WWOX: variants seen among roughly 807,000 people sequenced by gnomAD.
WWOX encodes WW domain-containing oxidoreductase.
In WWOX, 69 loss-of-function variants were observed where a neutral mutation model predicts 46.2. The observed-to-expected ratio is 1.49, with a 90% CI of 1.23 to 1.82. The LOEUF is 1.82. Ranked by LOEUF, WWOX falls within the 40% of genes most tolerant of loss-of-function variation. The pLI, the probability that WWOX is intolerant of heterozygous loss-of-function variation, is 0.00. For missense variants in WWOX, 919 were observed against 542.6 expected, an observed-to-expected ratio of 1.69 and a Z score of -6.89; for synonymous variants, 359 against 202.6, an observed-to-expected ratio of 1.77 and a Z score of -6.56.
At chr16:78,706,995 C>T (rs1485333021) in intron 8 of WWOX, among the ~76,000 whole-genome samples, 2 of 152,074 alleles carry the variant, frequency 1.3e-5, no homozygotes, top group Non-Finnish European at 2.9e-5. Flanking sequence ...CAGTCAGTTG[C>T]CTAGTAGGCC....
At chr16:79,020,895 T>G (rs759957392) in intron 8 of WWOX, among the ~76,000 whole-genome samples, 2 of 152,192 alleles carry the variant, frequency 1.3e-5, no homozygotes, top group African/African-American at 4.8e-5. Flanking sequence ...TTTATAGATT[T>G]TTTTTTAAGT....
intron 8 of WWOX, among the ~76,000 whole-genome samples, chr16:78,736,497 C>T (rs763972565): frequency 1.3e-5 from 2 of 152,334 alleles, no homozygotes; most frequent in South Asian, 2.1e-4. Context: ...CAAAGTCTCA[C>T]ATGTGACAAC....
At chr16:78,952,783 A>C (rs909101399) in intron 8 of WWOX, among the ~76,000 whole-genome samples, 1 of 152,142 alleles carries the variant, frequency 6.6e-6, no homozygotes, top group Non-Finnish European at 1.5e-5. Context: ...CCTACTGCCC[A>C]GCAGAAGGCT....
chr16:78,358,912 A>G lies in WWOX; in HGVS notation c.517-27948A>G, dbSNP rs531991511. 5.9e-4 allele frequency among the ~76,000 whole-genome samples: 65 copies of G among 109,370 alleles called. No homozygotes were observed. The South Asian group carries it at 0.018, about 30-fold the overall frequency. 71.8% of individuals were successfully genotyped at this position (109,370 alleles called of 152,430 possible). On this transcript the variant is annotated intron_variant, in intron 5 of 8. Transcript: ENST00000566780. ...CCAGACATATAGTGGCCATGTTTCT[A>G]TGTCAATACATACTGTTTGGCAGTA...
At chr16:78,834,247 A>C (rs1389959318) in intron 8 of WWOX, among the ~76,000 whole-genome samples, 1 of 152,200 alleles carries the variant, frequency 6.6e-6, no homozygotes, top group Non-Finnish European at 1.5e-5. Context: ...GCAAACATGG[A>C]GAGGCCCAAA....
intron 8 of WWOX, among the ~76,000 whole-genome samples, chr16:79,116,169 G>C (rs1324010827): frequency 1.3e-5 from 2 of 152,210 alleles, no homozygotes; most frequent in African/African-American, 4.8e-5. Flanking sequence ...GGAGGGTCTT[G>C]CCTTGATGTT....
chr16:78,528,398 C>T (rs2043534940), intron 8 of WWOX, among the ~76,000 whole-genome samples: 1 of 151,826 alleles, frequency 6.6e-6, no homozygotes, highest in South Asian at 2.1e-4. Flanking sequence ...CAGAAGATCG[C>T]TCTCACCAAA....
chr16:78,903,201 C>G (rs949117523), intron 8 of WWOX, among the ~76,000 whole-genome samples: 2 of 152,252 alleles, frequency 1.3e-5, no homozygotes, highest in East Asian at 3.9e-4. Context: ...ACTTGGGGTA[C>G]ACCCCTTATA....
At chr16:79,047,672 ATTTTTT>A (rs71140858) in intron 8 of WWOX, among the ~76,000 whole-genome samples, 7 of 53,542 alleles carry the variant, frequency 1.3e-4, no homozygotes, top group South Asian at 1.0e-3. Context: ...GACTGTCCTG[ATTTTTT>A]TTTTTTTTTT....
At chr16:78,880,992 C>CTTTTT (rs71140838) in intron 8 of WWOX, among the ~76,000 whole-genome samples, 1 of 113,530 alleles carries the variant, frequency 8.8e-6, no homozygotes, top group Non-Finnish European at 1.7e-5. Flanking sequence ...AATTTTTTTT[C>CTTTTT]TTTTTTTTTT....
chr16:78,800,202 G>A (rs2050850458), intron 8 of WWOX, among the ~76,000 whole-genome samples: 1 of 152,008 alleles, frequency 6.6e-6, no homozygotes. Context: ...AAATATGGCG[G>A]TAGATGCGAT....
chr16:79,203,878 C>G (rs1485125431), intron 8 of WWOX: 2 of 152,092 alleles, frequency 1.3e-5, no homozygotes, highest in East Asian at 3.9e-4. Context: ...CTAGCTATAA[C>G]CATAACAGAG....
chr16:78,661,700 G>A (rs1399697816), intron 8 of WWOX, among the ~76,000 whole-genome samples: 2 of 152,174 alleles, frequency 1.3e-5, no homozygotes, highest in Non-Finnish European at 2.9e-5. Flanking sequence ...CTTCAGGGAA[G>A]GGCAGTGCAA....
chr16:78,767,270 A>G (rs1322943094), intron 8 of WWOX, among the ~76,000 whole-genome samples: 3 of 151,770 alleles, frequency 2.0e-5, no homozygotes, highest in Admixed American at 2.0e-4. Flanking sequence ...GCATGCCACC[A>G]TGCCTGGCTT....
At chr16:79,057,772 C>T (rs78405555) in intron 8 of WWOX, among the ~76,000 whole-genome samples, 3,219 of 152,166 alleles carry the variant, frequency 0.021, 127 homozygotes, top group African/African-American at 0.073. Flanking sequence ...TAGAAAGACC[C>T]GGACTCGAAT....
At chr16:78,787,878 G>A (rs2050495523) in intron 8 of WWOX, among the ~76,000 whole-genome samples, 1 of 152,020 alleles carries the variant, frequency 6.6e-6, no homozygotes, top group South Asian at 2.1e-4. Context: ...GTTTTGATTT[G>A]CATTTCCCTC....
intron 3 of WWOX, chr16:78,112,046 C>G (rs959141270): frequency 1.3e-5 from 2 of 152,378 alleles, no homozygotes; most frequent in African/African-American, 4.8e-5. Context: ...TGGCCCCCAC[C>G]CTGGGCCCAG....
At chr16:78,830,648 A>G (rs1469812796) in intron 8 of WWOX, among the ~76,000 whole-genome samples, 2 of 151,796 alleles carry the variant, frequency 1.3e-5, no homozygotes, top group Non-Finnish European at 2.9e-5. Context: ...CTATTTTCCT[A>G]ACAAAATTTC....
intron 8 of WWOX, among the ~76,000 whole-genome samples, chr16:78,943,267 T>G (rs114365637): frequency 0.013 from 1,916 of 151,506 alleles, 41 homozygotes; most frequent in African/African-American, 0.045. Context: ...CAGGCGTTAT[T>G]GTGCCCATTT....
Sources: gnomAD v4.1 joint callset for allele counts (sites outside exome capture counted in the v4.1 genomes callset) on GRCh38, gnomAD v4.1.1 for gene constraint, MANE v1.5 for transcripts, NCBI Gene and HGNC (gene_info 2026-07-23, HGNC 2026-07-21) for gene names.